The following NALF1 variants were observed in gnomAD, a reference collection of about 807,000 sequenced individuals.
The protein encoded by NALF1 is NALCN channel auxiliary factor 1, also known as family with sequence similarity 155 member A.
A neutral mutation model predicts 48.4 loss-of-function variants in NALF1; 3 were observed. The observed-to-expected ratio is 0.06, with a 90% CI of 0.03 to 0.16. The LOEUF (loss-of-function observed/expected upper bound fraction) is 0.16. NALF1 is among the 10% of genes least tolerant of loss of function. The pLI is 1.00. For missense variants in NALF1, 526 were observed against 571.5 expected, an observed-to-expected ratio of 0.92 and a Z score of 0.81; for synonymous variants, 262 against 245.7, an observed-to-expected ratio of 1.07 and a Z score of -0.62.
chr13:107,555,777 G>C (rs1459840521), intron 1 of NALF1, among the ~76,000 whole-genome samples: 2 of 151,700 alleles, frequency 1.3e-5, no homozygotes, highest in Admixed American at 6.6e-5. Flanking sequence ...TCACTATATT[G>C]GGGAAAGCCT....
chr13:107,811,043 G>C (rs1170080060), intron 1 of NALF1, among the ~76,000 whole-genome samples: 2 of 151,998 alleles, frequency 1.3e-5, no homozygotes, highest in Non-Finnish European at 2.9e-5. Context: ...TATATCCTGT[G>C]ATGTACTGTG....
At position 107,367,858 on chromosome 13, in the gene NALF1, T is replaced by C. The variant is rs140343623; in HGVS notation, c.916-157103A>G. 3.3e-5 allele frequency among the ~76,000 whole-genome samples: 5 copies of C among 152,252 alleles called. No homozygotes were observed. The East Asian group carries it at 9.7e-4, about 29-fold the overall frequency. ...GGAACTCATGCAGACTAGTTTACTGTACTAAAAAGAAACATGCATTTAGGT... is the reference window on the plus strand; with the variant it reads ...GGAACTCATGCAGACTAGTTTACTGCACTAAAAAGAAACATGCATTTAGGT... On this transcript the variant is annotated intron_variant, in intron 1 of 2. Transcript: ENST00000375915.
chr13:107,638,201 A>G (rs7336013), intron 1 of NALF1, among the ~76,000 whole-genome samples: 8,083 of 110,792 alleles, frequency 0.073, 1,098 homozygotes, highest in African/African-American at 0.22. Flanking sequence ...ATATATATAT[A>G]TATATAATTT....
At chr13:107,529,696 G>C (rs1446625310) in intron 1 of NALF1, among the ~76,000 whole-genome samples, 1 of 152,142 alleles carries the variant, frequency 6.6e-6, no homozygotes, top group Non-Finnish European at 1.5e-5. Context: ...ATGATTGGAA[G>C]ATGTGATGAA....
chr13:107,203,689 C>A (rs1879571449), intron 2 of NALF1, among the ~76,000 whole-genome samples: 2 of 152,172 alleles, frequency 1.3e-5, no homozygotes. Flanking sequence ...GCAGCTGGCT[C>A]AGGACCCACC....
intron 2 of NALF1, among the ~76,000 whole-genome samples, chr13:107,174,379 CA>C (rs1878872304): frequency 6.7e-6 from 1 of 149,574 alleles, no homozygotes; most frequent in Non-Finnish European, 1.5e-5. Flanking sequence ...TTTTTTGAGA[CA>C]GAGTCTCGCT....
At chr13:107,588,853 T>A (rs966081973) in intron 1 of NALF1, among the ~76,000 whole-genome samples, 1 of 152,088 alleles carries the variant, frequency 6.6e-6, no homozygotes, top group East Asian at 1.9e-4. Context: ...ATCAAGAGCA[T>A]GTAAACCTCG....
At chr13:107,540,674 T>C (rs539438539) in intron 1 of NALF1, among the ~76,000 whole-genome samples, 61 of 152,196 alleles carry the variant, frequency 4.0e-4, no homozygotes, top group Non-Finnish European at 7.9e-4. Context: ...TAAAAATCAT[T>C]TAGTCTTCTC....
intron 1 of NALF1, among the ~76,000 whole-genome samples, chr13:107,412,164 C>T (rs764469717): frequency 5.9e-5 from 9 of 152,048 alleles, no homozygotes; most frequent in Non-Finnish European, 1.3e-4. Flanking sequence ...CGCGCTTAAA[C>T]AATAGTTTCC....
At chr13:107,327,238 G>A (rs1288024107) in intron 1 of NALF1, among the ~76,000 whole-genome samples, 1 of 152,008 alleles carries the variant, frequency 6.6e-6, no homozygotes, top group Non-Finnish European at 1.5e-5. Context: ...CTACAGAAAG[G>A]GGAGCCTGGC....
chr13:107,691,820 CA>C (rs1881575505), intron 1 of NALF1, among the ~76,000 whole-genome samples: 1 of 151,984 alleles, frequency 6.6e-6, no homozygotes, highest in African/African-American at 2.4e-5. Context: ...ATAAAATAAA[CA>C]AATGCAAGGT....
intron 1 of NALF1, among the ~76,000 whole-genome samples, chr13:107,808,540 A>T (rs1372353496): frequency 6.6e-6 from 1 of 152,096 alleles, no homozygotes; most frequent in Non-Finnish European, 1.5e-5. Context: ...AACTATGAAC[A>T]GAGGCTTTTA....
At chr13:107,607,305 T>A (rs575577259) in intron 1 of NALF1, among the ~76,000 whole-genome samples, 4 of 152,002 alleles carry the variant, frequency 2.6e-5, no homozygotes, top group Non-Finnish European at 4.4e-5. Flanking sequence ...TTAAATTAAA[T>A]AAATGAAAGA....
chr13:107,343,843 G>C (rs905791681), intron 1 of NALF1, among the ~76,000 whole-genome samples: 1 of 151,310 alleles, frequency 6.6e-6, no homozygotes, highest in African/African-American at 2.4e-5. Context: ...ACAGAGGAAA[G>C]GAATAAAAAT....
chr13:107,691,794 C>G (rs1881574846), intron 1 of NALF1, among the ~76,000 whole-genome samples: 1 of 151,978 alleles, frequency 6.6e-6, no homozygotes, highest in Non-Finnish European at 1.5e-5. Context: ...ACAAAAATAA[C>G]AAAAAGAGTA....
chr13:107,418,388 G>A (rs1279214486), intron 1 of NALF1, among the ~76,000 whole-genome samples: 1 of 152,108 alleles, frequency 6.6e-6, no homozygotes, highest in Non-Finnish European at 1.5e-5. Context: ...GCTGTAAAAC[G>A]ATTGTGCTTG....
chr13:107,273,366 C>T (rs960701273), intron 1 of NALF1, among the ~76,000 whole-genome samples: 5 of 152,134 alleles, frequency 3.3e-5, no homozygotes, highest in African/African-American at 1.2e-4. Context: ...GTGAAGGCTC[C>T]AGTGTCACAT....
At chr13:107,719,403 T>C (rs1397708686) in intron 1 of NALF1, among the ~76,000 whole-genome samples, 1 of 152,212 alleles carries the variant, frequency 6.6e-6, no homozygotes, top group African/African-American at 2.4e-5. Flanking sequence ...TCTACTAATC[T>C]ATCATAAATG....
At chr13:107,762,631 C>A (rs965500663) in intron 1 of NALF1, among the ~76,000 whole-genome samples, 6 of 151,806 alleles carry the variant, frequency 4.0e-5, no homozygotes, top group African/African-American at 1.5e-4. Context: ...GGAGTCAGTT[C>A]AAGGAAGTTT....
Sources: gnomAD v4.1 joint callset for allele counts (sites outside exome capture counted in the v4.1 genomes callset) on GRCh38, gnomAD v4.1.1 for gene constraint, MANE v1.5 for transcripts, NCBI Gene and HGNC (gene_info 2026-07-23, HGNC 2026-07-21) for gene names.